CADM2: variants seen among roughly 807,000 people sequenced by gnomAD.
CADM2 encodes the protein immunoglobulin superfamily member 4D.
CADM2 carries 12 observed loss-of-function variants against 49.8 expected under a neutral mutation model. The ratio of observed to expected loss-of-function variants is 0.24; its 90% CI spans 0.15 to 0.39. CADM2 has a LOEUF of 0.39. CADM2 is among the 10% of genes least tolerant of loss of function. The pLI is 1.00. For missense variants in CADM2, 378 were observed against 492.3 expected (o/e 0.77, Z 2.20); for synonymous variants, 214 against 175.4 (o/e 1.22, Z -1.74).
In CADM2 at chr3:85,561,991, A is replaced by T. The variant is rs554874012; in HGVS notation, c.62-164531A>T. On this transcript the variant is annotated intron_variant, in intron 1 of 9. Coordinates refer to ENST00000383699, the MANE Select transcript of CADM2 (RefSeq NM_001167675.2). Reference sequence around the variant, plus strand: ...GGAAAAATCTAAAGTTAATTTTAGAAAAGTGCCTCAGAGAATAGGTAAAAA... The same window carrying T: ...GGAAAAATCTAAAGTTAATTTTAGATAAGTGCCTCAGAGAATAGGTAAAAA... Among the ~76,000 whole-genome samples the T allele has an allele frequency of 3.9e-5, 6 of 152,294 alleles. No homozygotes were observed. In the South Asian group the frequency reaches 1.2e-3, roughly 32 times the overall value.
intron 1 of CADM2, among the ~76,000 whole-genome samples, chr3:85,344,947 A>C (rs1429947579): frequency 6.6e-6 from 1 of 152,010 alleles, no homozygotes; most frequent in Non-Finnish European, 1.5e-5. Context: ...CTTCAGGAAC[A>C]CTCTCTTCCC....
intron 1 of CADM2, among the ~76,000 whole-genome samples, chr3:85,277,632 T>C (rs922150669): frequency 1.3e-5 from 2 of 151,408 alleles, no homozygotes; most frequent in Non-Finnish European, 3.0e-5. Flanking sequence ...TTCTTGTATT[T>C]CTTTTATTGC....
chr3:85,933,104 C>A (rs1437007755), intron 6 of CADM2, among the ~76,000 whole-genome samples: 1 of 152,110 alleles, frequency 6.6e-6, no homozygotes, highest in African/African-American at 2.4e-5. Flanking sequence ...ATGTAATTTA[C>A]CTTAGTGAAG....
chr3:85,771,397 T>C (rs2107953082), intron 2 of CADM2, among the ~76,000 whole-genome samples: 1 of 152,154 alleles, frequency 6.6e-6, no homozygotes, highest in Admixed American at 6.6e-5. Flanking sequence ...TTCTCAAGAG[T>C]CTAGAATTCA....
At chr3:85,283,873 A>G (rs2106901364) in intron 1 of CADM2, among the ~76,000 whole-genome samples, 1 of 152,316 alleles carries the variant, frequency 6.6e-6, no homozygotes, top group South Asian at 2.1e-4. Flanking sequence ...ATTATAACTT[A>G]GAGTTTCAAG....
intron 1 of CADM2, among the ~76,000 whole-genome samples, chr3:85,084,409 A>G (rs1032982326): frequency 2.0e-5 from 3 of 152,160 alleles, no homozygotes; most frequent in Non-Finnish European, 4.4e-5. Flanking sequence ...TTCAGATCCA[A>G]TTATCACCTT....
chr3:85,585,536 A>G (rs2062917618), intron 1 of CADM2, among the ~76,000 whole-genome samples: 1 of 152,008 alleles, frequency 6.6e-6, no homozygotes. Flanking sequence ...TCTTTATCAT[A>G]GGAATGTTTG....
At chr3:85,607,128 G>GA (rs547172578) in intron 1 of CADM2, among the ~76,000 whole-genome samples, 21 of 151,662 alleles carry the variant, frequency 1.4e-4, no homozygotes, top group African/African-American at 5.1e-4. Flanking sequence ...TTAAAAAAGA[G>GA]AAAAAAAATT....
At chr3:85,354,498 TATA>T (rs913910602) in intron 1 of CADM2, among the ~76,000 whole-genome samples, 5 of 151,012 alleles carry the variant, frequency 3.3e-5, no homozygotes, top group African/African-American at 4.8e-5. Flanking sequence ...AAACTTAAAG[TATA>T]ATAATAATAA....
chr3:85,953,261 T>C (rs756760120), intron 7 of CADM2, among the ~76,000 whole-genome samples: 5 of 151,096 alleles, frequency 3.3e-5, no homozygotes, highest in Non-Finnish European at 5.9e-5. Context: ...ACACAACTTA[T>C]AGTTTGCCTT....
chr3:85,564,044 T>A (rs1277270887), intron 1 of CADM2, among the ~76,000 whole-genome samples: 2 of 152,260 alleles, frequency 1.3e-5, no homozygotes, highest in South Asian at 4.1e-4. Context: ...TCCAATAAGA[T>A]CTTAAATAAT....
intron 1 of CADM2, among the ~76,000 whole-genome samples, chr3:85,124,766 A>T (rs1352995284): frequency 6.6e-6 from 1 of 152,224 alleles, no homozygotes; most frequent in Non-Finnish European, 1.5e-5. Context: ...GCCAAAATTC[A>T]GCAACATCAT....
At chr3:85,041,634 G>A (rs2035446740) in intron 1 of CADM2, among the ~76,000 whole-genome samples, 1 of 152,120 alleles carries the variant, frequency 6.6e-6, no homozygotes, top group Non-Finnish European at 1.5e-5. Flanking sequence ...ATCTATACTA[G>A]TTCCTGCACA....
intron 6 of CADM2, among the ~76,000 whole-genome samples, chr3:85,913,409 T>A (rs1717883096): frequency 6.6e-6 from 1 of 152,246 alleles, no homozygotes; most frequent in African/African-American, 2.4e-5. Context: ...TTGTTTTCTC[T>A]ATTTGTGATA....
chr3:85,378,405 C>CTT (rs2107345496), intron 1 of CADM2, among the ~76,000 whole-genome samples: 1 of 152,110 alleles, frequency 6.6e-6, no homozygotes, highest in South Asian at 2.1e-4. Flanking sequence ...CCACCCTTGT[C>CTT]TTTTCTAAAG....
intron 2 of CADM2, among the ~76,000 whole-genome samples, chr3:85,749,472 A>G (rs996565607): frequency 1.3e-5 from 2 of 151,992 alleles, no homozygotes; most frequent in African/African-American, 4.8e-5. Flanking sequence ...GCTTTAATGA[A>G]GTACAAATCA....
At chr3:85,799,773 G>A (rs972647887) in intron 2 of CADM2, among the ~76,000 whole-genome samples, 13 of 152,274 alleles carry the variant, frequency 8.5e-5, no homozygotes, top group South Asian at 2.1e-4. Flanking sequence ...TCCCAGAGTG[G>A]CACCTGCCAG....
At chr3:86,010,952 A>T (rs1190474079) in intron 8 of CADM2, among the ~76,000 whole-genome samples, 1 of 151,466 alleles carries the variant, frequency 6.6e-6, no homozygotes, top group African/African-American at 2.4e-5. Flanking sequence ...TTCTCTAAAA[A>T]TATAAGTTAT....
At chr3:86,046,516 C>T (rs1736704525) in intron 8 of CADM2, among the ~76,000 whole-genome samples, 1 of 151,964 alleles carries the variant, frequency 6.6e-6, no homozygotes, top group African/African-American at 2.4e-5. Flanking sequence ...TTATTGTAAT[C>T]ACTTGAGGGC....
Sources: allele counts gnomAD v4.1 joint callset (sites outside exome capture counted in the v4.1 genomes callset), GRCh38; gene constraint gnomAD v4.1.1; transcripts MANE v1.5; gene names NCBI Gene and HGNC (gene_info 2026-07-23, HGNC 2026-07-21).